Variants in ADGRV1 observed in about 807,000 individuals in gnomAD.
The protein encoded by ADGRV1 is adhesion G protein-coupled receptor V1, also known as G-protein coupled receptor 98.
A neutral mutation model predicts 596.2 loss-of-function variants in ADGRV1; 359 were observed. The observed-to-expected ratio is 0.60, with a 90% confidence interval of 0.55 to 0.66. ADGRV1 has a LOEUF of 0.66. Ranked by LOEUF, ADGRV1 falls within the 30% of genes least tolerant of loss-of-function variation. ADGRV1 has a pLI of 0.00. For synonymous variants in ADGRV1, 2,681 were observed against 2,679.2 expected (o/e 1.00, Z -0.02); for missense variants, 7,274 against 7,575.6 (o/e 0.96, Z 1.48).
chr5:91,110,827 T>G (rs1484789270), intron 87 of ADGRV1, among the ~76,000 whole-genome samples: 4 of 152,190 alleles, frequency 2.6e-5, no homozygotes, highest in Non-Finnish European at 1.5e-5. Flanking sequence ...GATATGACAC[T>G]TCTCAGTATG....
intron 1 of ADGRV1, among the ~76,000 whole-genome samples, chr5:90,609,503 G>A (rs969151087): frequency 6.7e-6 from 1 of 148,800 alleles, no homozygotes; most frequent in Non-Finnish European, 1.5e-5. Flanking sequence ...TTTGGTTTGG[G>A]AGAGGGCAAA....
chr5:90,903,927 T>C, intron 83 of ADGRV1, among the ~76,000 whole-genome samples: 1 of 151,962 alleles, frequency 6.6e-6, no homozygotes, highest in Non-Finnish European at 1.5e-5. Flanking sequence ...ACTACCCTTC[T>C]CAGCCTCTGG....
Position 90,745,290 on chromosome 5 carries a change from T to C in ADGRV1, c.10769+25T>C, listed in dbSNP as rs1176263061. The C allele has an allele frequency of 2.1e-6, 3 of 1,397,886 alleles. No individual in the cohort carries two copies. The African/African-American group carries it at 4.3e-5, about 20-fold the overall frequency. The allele number at this position is 1,397,886 out of a possible 1,614,324, so 86.6% of individuals were successfully genotyped here. A position where few individuals can be genotyped will look rare whatever the true frequency, so the allele number is the denominator to read the frequency against. ...GGTAGGTTCAACATTTTTTGCTAAGTATCTTTATGTTCACTGTAATTTTGT... is the reference window on the plus strand; with the variant it reads ...GGTAGGTTCAACATTTTTTGCTAAGCATCTTTATGTTCACTGTAATTTTGT... On this transcript the variant is annotated intron_variant, in intron 51 of 89. Coordinates refer to ENST00000405460, the MANE Select transcript of ADGRV1 (RefSeq NM_032119.4).
At chr5:90,689,741 C>A (rs770839082) in intron 29 of ADGRV1, 120 bp from the exon 30 acceptor site, 9 of 661,118 alleles carry the variant, frequency 1.4e-5, no homozygotes, top group Non-Finnish European at 2.1e-5. Context: ...TAGTCAATAT[C>A]CTCAAAAAAG....
At chr5:90,862,667 C>T (rs888351212) in intron 82 of ADGRV1, among the ~76,000 whole-genome samples, 3 of 152,188 alleles carry the variant, frequency 2.0e-5, no homozygotes, top group Non-Finnish European at 4.4e-5. Context: ...TCCCAAAAAA[C>T]GGATTGCTCT....
At chr5:90,860,364 G>A (rs989897964) in intron 82 of ADGRV1, among the ~76,000 whole-genome samples, 1 of 151,674 alleles carries the variant, frequency 6.6e-6, no homozygotes, top group African/African-American at 2.4e-5. Flanking sequence ...GCAATGGCAC[G>A]ATCTCAGTTC....
chr5:90,920,181 G>C (rs1362105712), intron 83 of ADGRV1, among the ~76,000 whole-genome samples: 1 of 151,978 alleles, frequency 6.6e-6, no homozygotes, highest in Non-Finnish European at 1.5e-5. Context: ...TCAGTGTCTG[G>C]TGAGGGCCCA....
At chr5:90,975,552 G>A (rs1027911965) in intron 84 of ADGRV1, among the ~76,000 whole-genome samples, 1 of 152,054 alleles carries the variant, frequency 6.6e-6, no homozygotes, top group East Asian at 1.9e-4. Context: ...TCCTTTTTAG[G>A]GACATGGATG....
rs1454804202 is a variant in ADGRV1, at chr5:90,869,000, T to TGTAC, written c.17856+5143_17856+5144insGTAC. Among the ~76,000 whole-genome samples the TGTAC allele has an allele frequency of 5.3e-5, 8 of 152,172 alleles. No individual in the cohort carries two copies. In the East Asian group the frequency reaches 1.5e-3, roughly 29 times the overall value. ...ATCTCATCTATCATATGTACAATAT[T>TGTAC]AAGATTGCGCAATGAGAAATACCAA... On this transcript the variant is annotated intron_variant, in intron 83 of 89. Coordinates refer to ENST00000405460, the MANE Select transcript of ADGRV1 (RefSeq NM_032119.4).
At chr5:90,671,342 T>C (rs758460153) in intron 21 of ADGRV1, among the ~76,000 whole-genome samples, 2 of 152,138 alleles carry the variant, frequency 1.3e-5, no homozygotes, top group African/African-American at 2.4e-5. Context: ...GGGGGAAGAA[T>C]GTGCCTGCTA....
intron 45 of ADGRV1, among the ~76,000 whole-genome samples, chr5:90,721,857 G>A (rs981310077): frequency 9.8e-5 from 14 of 142,378 alleles, no homozygotes; most frequent in African/African-American, 3.6e-4. Context: ...AGGTGAGAGT[G>A]AGAAGCTGTG....
chr5:90,809,326 A>ACACACACACG (rs1762227988), intron 73 of ADGRV1, among the ~76,000 whole-genome samples: 1 of 151,436 alleles, frequency 6.6e-6, no homozygotes. Flanking sequence ...ACACACACAC[A>ACACACACACG]CGCTCTGTCT....
intron 86 of ADGRV1, among the ~76,000 whole-genome samples, chr5:91,094,822 G>C (rs375688566): frequency 1.3e-5 from 2 of 152,268 alleles, no homozygotes; most frequent in African/African-American, 4.8e-5. Flanking sequence ...CTCCAGGCCT[G>C]GAGCTTAAGA....
chr5:90,721,513 A>AT (rs59090796), intron 45 of ADGRV1, among the ~76,000 whole-genome samples: 25,161 of 99,904 alleles, frequency 0.25, 3,775 homozygotes, highest in Admixed American at 0.44. Context: ...AAAAAATAAA[A>AT]TAAAATAAAA....
chr5:90,896,584 T>C (rs528002883), intron 83 of ADGRV1, among the ~76,000 whole-genome samples: 2 of 152,190 alleles, frequency 1.3e-5, no homozygotes, highest in South Asian at 2.1e-4. Flanking sequence ...TGATTTGTTA[T>C]GTATTATGTA....
chr5:90,712,780 A>G (rs1412201871), intron 42 of ADGRV1, among the ~76,000 whole-genome samples: 1 of 152,040 alleles, frequency 6.6e-6, no homozygotes, highest in Admixed American at 6.5e-5. Flanking sequence ...TAGTAATTCT[A>G]CCTTTGTAGA....
chr5:90,586,800 T>G (rs1358331157), intron 1 of ADGRV1, among the ~76,000 whole-genome samples: 1 of 152,194 alleles, frequency 6.6e-6, no homozygotes, highest in African/African-American at 2.4e-5. Context: ...CCATTATCTT[T>G]GTATCTAATT....
intron 1 of ADGRV1, among the ~76,000 whole-genome samples, chr5:90,576,448 CT>C (rs1757229671): frequency 6.6e-6 from 1 of 152,084 alleles, no homozygotes; most frequent in South Asian, 2.1e-4. Context: ...TGAACTCATC[CT>C]TTTTTATGGC....
intron 85 of ADGRV1, among the ~76,000 whole-genome samples, chr5:91,021,767 A>G (rs1050001753): frequency 1.5e-4 from 23 of 152,098 alleles, no homozygotes; most frequent in African/African-American, 5.6e-4. Context: ...CTGGCTTTTG[A>G]GGAAATACCT....
Sources: allele counts gnomAD v4.1 joint callset (sites outside exome capture counted in the v4.1 genomes callset), GRCh38; gene constraint gnomAD v4.1.1; transcripts MANE v1.5; gene names NCBI Gene and HGNC (gene_info 2026-07-23, HGNC 2026-07-21).